RPRD1A: variants seen among roughly 807,000 people sequenced by gnomAD.
RPRD1A encodes regulation of nuclear pre-mRNA domain containing 1A.
In RPRD1A, 9 loss-of-function variants were observed where a neutral mutation model predicts 37.8. The ratio of observed to expected loss-of-function variants is 0.24; its 90% CI spans 0.14 to 0.42. The LOEUF (loss-of-function observed/expected upper bound fraction) is 0.42, where lower values mean the gene tolerates loss of function less well. RPRD1A is among the 10% of genes least tolerant of loss of function. The probability of loss-of-function intolerance (pLI) is 1.00; values close to 1 mark genes in which losing one functional copy is unlikely to be tolerated. For missense variants in RPRD1A, 255 were observed against 371.0 expected, an observed-to-expected ratio of 0.69 and a Z score of 2.57; for synonymous variants, 138 against 139.7, an observed-to-expected ratio of 0.99 and a Z score of 0.08.
chr18:36,028,778 C>T (rs1230456754), intron 4 of RPRD1A, among the ~76,000 whole-genome samples: 2 of 152,154 alleles, frequency 1.3e-5, no homozygotes, highest in Non-Finnish European at 2.9e-5. Context: ...ATGAAGACCA[C>T]AAAGCTGAAC....
At chr18:36,065,634 T>C (rs1347994327) in intron 1 of RPRD1A, among the ~76,000 whole-genome samples, 2 of 152,234 alleles carry the variant, frequency 1.3e-5, no homozygotes, top group East Asian at 3.8e-4. Context: ...ATTTAATATA[T>C]ACCTCCAACT....
intron 2 of RPRD1A, 138 bp downstream of exon 2, chr18:36,033,570 G>A (rs551909577): frequency 2.3e-5 from 14 of 613,252 alleles, no homozygotes; most frequent in Admixed American, 6.8e-5. Flanking sequence ...ATGCCATGTA[G>A]AGGGAAGTCT....
intron 1 of RPRD1A, among the ~76,000 whole-genome samples, chr18:36,047,207 C>CAAAATAAA (rs1913022111): frequency 7.3e-6 from 1 of 136,674 alleles, no homozygotes; most frequent in African/African-American, 3.2e-5. Context: ...GACCCTGTCT[C>CAAAATAAA]GAAATAAATA....
intron 6 of RPRD1A, among the ~76,000 whole-genome samples, chr18:36,022,687 A>G (rs1416394613): frequency 6.6e-6 from 1 of 152,228 alleles, no homozygotes; most frequent in Non-Finnish European, 1.5e-5. Context: ...TATTGGCCAG[A>G]TGTAGTGATT....
At chr18:35,995,686 G>C (rs1909009973) in intron 6 of RPRD1A, among the ~76,000 whole-genome samples, 1 of 152,214 alleles carries the variant, frequency 6.6e-6, no homozygotes, top group African/African-American at 2.4e-5. Flanking sequence ...AGTGTGGGCT[G>C]TATGTGATGA....
intron 1 of RPRD1A, among the ~76,000 whole-genome samples, chr18:36,052,131 T>C (rs1474680754): frequency 7.2e-6 from 1 of 139,808 alleles, no homozygotes; most frequent in African/African-American, 2.7e-5. Context: ...CAGAAAACAG[T>C]GAGACAATGT....
At chr18:36,062,338 A>AAAAC (rs937339899) in intron 1 of RPRD1A, among the ~76,000 whole-genome samples, 4 of 150,320 alleles carry the variant, frequency 2.7e-5, no homozygotes, top group African/African-American at 9.9e-5. Context: ...AAAAAAAAAA[A>AAAAC]AAAAAAAAAA....
At chr18:36,032,464 C>T (rs1911861877) in intron 2 of RPRD1A, among the ~76,000 whole-genome samples, 2 of 152,120 alleles carry the variant, frequency 1.3e-5, no homozygotes, top group Admixed American at 6.5e-5. Context: ...GGCAGTGCCA[C>T]GAAGGAACAC....
chr18:36,031,217 CA>C, intron 2 of RPRD1A, 120 bp from the exon 3 acceptor site: 1 of 1,229,266 alleles, frequency 8.1e-7, no homozygotes, highest in Non-Finnish European at 1.1e-6. Context: ...AAAAACTGTC[CA>C]AATGTCTACT....
At chr18:36,055,401 ACTTC>A (rs1291742849) in intron 1 of RPRD1A, among the ~76,000 whole-genome samples, 1 of 152,174 alleles carries the variant, frequency 6.6e-6, no homozygotes, top group Non-Finnish European at 1.5e-5. Context: ...ATCCTTCAAT[ACTTC>A]CTTCTATTAG....
rs1912206953 is a variant in RPRD1A at position 36,036,525 on chromosome 18, A to G, written c.152-2688T>C. Among the ~76,000 whole-genome samples the G allele has an allele frequency of 3.9e-5, 6 of 152,298 alleles. No homozygotes were observed. In the South Asian group the frequency reaches 1.2e-3, roughly 32 times the overall value. On this transcript the variant is annotated intron_variant, in intron 1 of 6. Coordinates refer to ENST00000399022, the MANE Select transcript of RPRD1A (RefSeq NM_018170.5). ...CAAATTCCATATGAGGTGATTGAGC[A>G]TGGGGTCCAAATACCAAGATACTAT...
intron 1 of RPRD1A, among the ~76,000 whole-genome samples, chr18:36,040,177 G>A (rs1912482537): frequency 6.6e-6 from 1 of 152,028 alleles, no homozygotes; most frequent in Non-Finnish European, 1.5e-5. Context: ...GAGTTAGGTG[G>A]AACTATAAAT....
chr18:35,993,419 A>T, intron 6 of RPRD1A, 119 bp from the exon 7 acceptor site: 1 of 960,558 alleles, frequency 1.0e-6, no homozygotes, highest in Non-Finnish European at 1.5e-6. Context: ...TAAAAAGGTT[A>T]TTCCAGTGTG....
intron 1 of RPRD1A, among the ~76,000 whole-genome samples, chr18:36,046,604 G>C (rs1005805518): frequency 2.0e-5 from 3 of 151,836 alleles, no homozygotes; most frequent in East Asian, 1.9e-4. Context: ...GCCGGGGTGG[G>C]TGGATTGCTT....
At chr18:36,028,517 G>A (rs1355407599) in intron 4 of RPRD1A, among the ~76,000 whole-genome samples, 1 of 152,098 alleles carries the variant, frequency 6.6e-6, no homozygotes, top group Non-Finnish European at 1.5e-5. Context: ...GGAGTTCTAA[G>A]AAGAAATCTG....
intron 6 of RPRD1A, among the ~76,000 whole-genome samples, chr18:36,003,149 G>C (rs1335885568): frequency 6.6e-6 from 1 of 152,130 alleles, no homozygotes; most frequent in Non-Finnish European, 1.5e-5. Flanking sequence ...CTTTGTTCTT[G>C]TCTCTGCCTC....
At chr18:36,060,236 C>T (rs1189423234) in intron 1 of RPRD1A, among the ~76,000 whole-genome samples, 1 of 152,062 alleles carries the variant, frequency 6.6e-6, no homozygotes, top group Non-Finnish European at 1.5e-5. Context: ...TCGAGACCAT[C>T]CTGACTAACA....
At chr18:36,045,799 T>C (rs1335406341) in intron 1 of RPRD1A, among the ~76,000 whole-genome samples, 2 of 152,180 alleles carry the variant, frequency 1.3e-5, no homozygotes, top group Non-Finnish European at 2.9e-5. Flanking sequence ...AATCACATCA[T>C]GAGGGCTGAA....
chr18:36,007,339 G>C (rs926447272), intron 6 of RPRD1A, among the ~76,000 whole-genome samples: 2 of 152,174 alleles, frequency 1.3e-5, no homozygotes, highest in African/African-American at 4.8e-5. Context: ...CTGTAATGTG[G>C]ATGATACTTG....
Sources: allele counts gnomAD v4.1 joint callset (sites outside exome capture counted in the v4.1 genomes callset), GRCh38; gene constraint gnomAD v4.1.1; transcripts MANE v1.5; gene names NCBI Gene and HGNC (gene_info 2026-07-23, HGNC 2026-07-21).